KRT26: variants seen among roughly 807,000 people sequenced by gnomAD.
The protein encoded by KRT26 is keratin 26, also known as keratin, type I cytoskeletal 26.
Under a neutral mutation model 46.1 loss-of-function variants are expected in KRT26, and 45 were observed. That is an observed-to-expected ratio of 0.98 (90% CI 0.77 to 1.25). The LOEUF is 1.25. KRT26 is among the 50% of genes most tolerant of loss of function. The pLI, the probability that KRT26 is intolerant of heterozygous loss-of-function variation, is 0.00. For synonymous variants in KRT26, 191 were observed against 209.9 expected (o/e 0.91, Z 0.78); for missense variants, 582 against 560.1 (o/e 1.04, Z -0.39).
At chr17:40,767,732 GAGTTTTGGAATTCT>G in intron 6 of KRT26, 79 bp from the exon 7 acceptor site, 1 of 745,196 alleles carries the variant, frequency 1.3e-6, no homozygotes, top group East Asian at 2.6e-5. Context: ...TTGGAAATAA[GAGTTTTGGAATTCT>G]AGTTTCAATA....
rs755909364 is a variant in KRT26, at chr17:40,770,348, C to T, written c.586G>A (p.Val196Met). 7.4e-6 allele frequency: 12 copies of T among 1,613,974 alleles called. No homozygotes were observed. In the South Asian group the frequency reaches 1.3e-4, roughly 18 times the overall value. The stretch of plus-strand genomic sequence containing the variant: ...GTACAAAGGGTCAGTTCATCCAACA[C>T]TCTGCGAAGACCACTGGTGTCGGCC... Residue 196 changes from valine to methionine, a missense_variant, in exon 3 of 8, where the codon GTG becomes ATG. Coordinates refer to ENST00000335552, the Ensembl canonical transcript of KRT26.
At position 40,772,136 on chromosome 17, in the gene KRT26, C is replaced by A. The variant is rs1368010347; in HGVS notation, c.-23G>T. 2.5e-6 allele frequency: 4 copies of A among 1,605,762 alleles called. No individual in the cohort carries two copies. The African/African-American group carries it at 4.0e-5, about 16-fold the overall frequency. On this transcript the variant is annotated 5_prime_UTR_variant, in exon 1 of 8. Coordinates refer to ENST00000335552, the Ensembl canonical transcript of KRT26. ...CATGGTGGCAGCACAGCCGGGCAAC[C>A]CCTTCCCAGAAAGAGGAGCAAAGCC...
At chr17:40,771,626 C>T in intron 1 of KRT26, 47 bp downstream of exon 1, 1 of 1,487,740 alleles carries the variant, frequency 6.7e-7, no homozygotes, top group Non-Finnish European at 9.1e-7. Flanking sequence ...TTTAAATTAT[C>T]AACACACAAA....
At chr17:40,769,776 T>A in exon 5 of KRT26, 2 of 1,614,204 alleles carry the variant, frequency 1.2e-6, no homozygotes, top group Non-Finnish European at 1.7e-6. Flanking sequence ...GGACTGAAGT[T>A]CTATTTCCAG....
At chr17:40,767,817 T>C (rs187322232) in intron 6 of KRT26, among the ~76,000 whole-genome samples, 164 bp from the exon 7 acceptor site, 178 of 152,356 alleles carry the variant, frequency 1.2e-3, no homozygotes, top group African/African-American at 4.2e-3. Context: ...TTCAACATAG[T>C]GAAAGAAGAG....
exon 3 of KRT26, chr17:40,770,300 C>T: frequency 6.2e-7 from 1 of 1,614,168 alleles, no homozygotes; most frequent in Non-Finnish European, 8.5e-7. Flanking sequence ...CTGAGGGTCT[C>T]ACACTGTATC....
intron 3 of KRT26, 24 bp from the exon 4 acceptor site, chr17:40,770,146 C>T (rs2038209814): frequency 3.1e-6 from 5 of 1,614,024 alleles, no homozygotes; most frequent in Non-Finnish European, 3.4e-6. Flanking sequence ...CGGTATTCAT[C>T]CTCAGTGGAG....
At chr17:40,772,103 C>T (rs373569933) in exon 1 of KRT26, 94 of 1,613,612 alleles carry the variant, frequency 5.8e-5, no homozygotes, top group Non-Finnish European at 7.3e-5. Flanking sequence ...ACCAGAAAGT[C>T]GAAAAGACAT....
chr17:40,771,250 A>G lies in KRT26; in HGVS notation c.442-14T>C. The G allele has an allele frequency of 6.8e-7, 1 of 1,474,858 alleles. No homozygotes were observed. The highest frequency in any genetic ancestry group is 9.4e-7 in the Non-Finnish European group (1 of 1,061,118). 91.4% of individuals were successfully genotyped at this position (1,474,858 alleles called of 1,614,324 possible). On this transcript the variant is annotated splice_polypyrimidine_tract_variant and intron_variant, in intron 1 of 7. Transcript: ENST00000335552. ...CGCAGAAATAATCTAAATAGGGAAG[A>G]TTGTGAAAAATGTTAATTACCAAAA... is the stretch of plus-strand genomic sequence containing the variant.
At chr17:40,766,324 C>T in exon 8 of KRT26, 1 of 405,886 alleles carries the variant, frequency 2.5e-6, no homozygotes, top group Non-Finnish European at 4.2e-6. Flanking sequence ...TTTTTCTACT[C>T]TGGAAAAGGA....
At chr17:40,766,546 A>C (rs776433655) in exon 8 of KRT26, 1 of 1,613,242 alleles carries the variant, frequency 6.2e-7, no homozygotes, top group Non-Finnish European at 8.5e-7. Context: ...TCGTTGCTCT[A>C]CTGTAATGTT....
rs769675226 is a variant in KRT26 at position 40,770,247 on chromosome 17, C to G, written c.681+6G>C. 6.2e-7 allele frequency: 1 copy of G among 1,614,028 alleles called. No homozygotes were observed. Among genetic ancestry groups the G allele is most frequent in the African/African-American group, 1.3e-5 (1 of 74,900 alleles). On this transcript the variant is annotated splice_donor_region_variant and intron_variant, in intron 3 of 7. Transcript: ENST00000335552. ...CTGTATGAAGCCACTCTGCAGGCTT[C>G]CTTACCTCCTCATGACTTTTTTTGA...
At position 40,767,627 on chromosome 17, in the gene KRT26, G is replaced by T; in HGVS notation, c.1214C>A (p.Ser405Ter). ...AGAATTCACAGGCCTGTATCCTTTTGATTTGTAACATGTGGATTTGCTTTT... is the reference window on the plus strand; with the variant it reads ...AGAATTCACAGGCCTGTATCCTTTTTATTTGTAACATGTGGATTTGCTTTT... Residue 405 changes from serine (S) to a stop codon, truncating the protein, a stop_gained, in exon 7 of 8, where the codon TCA (serine) becomes TAA (stop). Transcript: ENST00000335552. LOFTEE classifies it low-confidence loss of function (END_TRUNC). 1 of 1,606,398 alleles carries T rather than the reference G, an allele frequency of 6.2e-7. No individual in the cohort carries two copies. The highest frequency in any genetic ancestry group is 8.5e-7 in the Non-Finnish European group (1 of 1,177,092).
intron 1 of KRT26, 73 bp from the exon 2 acceptor site, chr17:40,771,309 A>G (rs1458060322): frequency 1.3e-6 from 1 of 776,256 alleles, no homozygotes; most frequent in East Asian, 2.6e-5. Context: ...GTGTGATTTT[A>G]TATCTTCTTA....
At chr17:40,771,704 T>C (rs1460725244) in exon 1 of KRT26, 2 of 1,613,936 alleles carry the variant, frequency 1.2e-6, no homozygotes, top group South Asian at 2.2e-5. Context: ...GACTGAGAAG[T>C]ATCTGCTATA....
At chr17:40,766,540 T>A (rs1307441480) in exon 8 of KRT26, 2 of 1,612,114 alleles carry the variant, frequency 1.2e-6, no homozygotes, top group African/African-American at 2.7e-5. Context: ...AGGTACTCGT[T>A]GCTCTACTGT....
At chr17:40,766,748 T>C in intron 7 of KRT26, 82 bp from the exon 8 acceptor site, 1 of 1,036,018 alleles carries the variant, frequency 9.7e-7, no homozygotes, top group African/African-American at 1.6e-5. Flanking sequence ...TTTTGTTTGT[T>C]TGTTTTTTTG....
At chr17:40,771,634 A>G in intron 1 of KRT26, 39 bp downstream of exon 1, 1 of 1,517,854 alleles carries the variant, frequency 6.6e-7, no homozygotes, top group Non-Finnish European at 8.9e-7. Flanking sequence ...ATCAACACAC[A>G]AAGTCTGTAG....
chr17:40,766,343 A>G (rs2038172034), exon 8 of KRT26: 1 of 488,090 alleles, frequency 2.0e-6, no homozygotes, highest in Non-Finnish European at 3.5e-6. Context: ...GATTACATGC[A>G]TAGAACATGA....
Sources: gnomAD v4.1 joint callset for allele counts (sites outside exome capture counted in the v4.1 genomes callset) on GRCh38, gnomAD v4.1.1 for gene constraint, MANE v1.5 for transcripts, NCBI Gene and HGNC (gene_info 2026-07-23, HGNC 2026-07-21) for gene names.